KCMF1: variants seen among roughly 807,000 people sequenced by gnomAD.
KCMF1 encodes potassium channel modulatory factor 1, also known as E3 ubiquitin-protein ligase KCMF1.
KCMF1 carries 3 observed loss-of-function variants against 41.1 expected under a neutral mutation model. The observed-to-expected ratio is 0.07, with a 90% CI of 0.03 to 0.19. The LOEUF (loss-of-function observed/expected upper bound fraction) is 0.19, where lower values mean the gene tolerates loss of function less well. KCMF1 is among the 10% of genes least tolerant of loss of function. KCMF1 has a pLI of 1.00. For synonymous variants in KCMF1, 142 were observed against 164.5 expected, an observed-to-expected ratio of 0.86 and a Z score of 1.04; for missense variants, 286 against 488.9, an observed-to-expected ratio of 0.58 and a Z score of 3.91.
chr2:85,042,248 A>G (rs765563721), intron 3 of KCMF1, among the ~76,000 whole-genome samples: 42 of 152,230 alleles, frequency 2.8e-4, no homozygotes, highest in Non-Finnish European at 4.3e-4. Context: ...GATTAGGCAT[A>G]AGAGAGACTG....
intron 1 of KCMF1, among the ~76,000 whole-genome samples, chr2:85,020,416 A>G (rs914421234): frequency 1.3e-5 from 2 of 152,126 alleles, no homozygotes; most frequent in African/African-American, 4.8e-5. Context: ...ATCGTCATGC[A>G]TGGAAGCTAT....
intron 1 of KCMF1, among the ~76,000 whole-genome samples, chr2:85,025,655 C>T (rs1159272076): frequency 6.6e-6 from 1 of 152,182 alleles, no homozygotes; most frequent in Non-Finnish European, 1.5e-5. Flanking sequence ...GTCACCCAGG[C>T]TGGAGTGCAG....
intron 1 of KCMF1, among the ~76,000 whole-genome samples, chr2:84,993,788 C>A (rs1310068698): frequency 1.3e-5 from 2 of 151,742 alleles, no homozygotes; most frequent in Non-Finnish European, 2.9e-5. Flanking sequence ...GTTGGCCAGG[C>A]TGGTCTCAAA....
At chr2:85,044,244 A>G (rs1377246678) in intron 4 of KCMF1, among the ~76,000 whole-genome samples, 1 of 152,142 alleles carries the variant, frequency 6.6e-6, no homozygotes. Context: ...TGGTGGGGAC[A>G]GGTGTGCATC....
chr2:85,015,469 G>GCA lies in KCMF1; in HGVS notation c.17-12419_17-12418dup, dbSNP rs1272651708. On this transcript the variant is annotated intron_variant, in intron 1 of 6. Coordinates refer to ENST00000409785, the MANE Select transcript of KCMF1 (RefSeq NM_020122.5). ...AGGCTGTTCCTAAGCTCACTCATGAGCAAGTCCATTGTTGCTAAGATAAGT... is the reference window on the plus strand; with the variant it reads ...AGGCTGTTCCTAAGCTCACTCATGAGCACAAGTCCATTGTTGCTAAGATAAGT... Among the ~76,000 whole-genome samples the GCA allele has an allele frequency of 3.3e-5, 5 of 152,168 alleles. 1 individual carries two copies. The highest frequency in any genetic ancestry group is 1.2e-4 in the African/African-American group (5 of 41,444).
intron 1 of KCMF1, among the ~76,000 whole-genome samples, chr2:85,004,084 G>A (rs1343677543): frequency 6.6e-6 from 1 of 152,210 alleles, no homozygotes; most frequent in Non-Finnish European, 1.5e-5. Flanking sequence ...TCACCTCCGA[G>A]TGGGACAGTG....
intron 1 of KCMF1, among the ~76,000 whole-genome samples, chr2:84,976,483 G>A (rs956526733): frequency 5.9e-5 from 9 of 151,986 alleles, no homozygotes; most frequent in African/African-American, 2.2e-4. Context: ...TGGGATTACC[G>A]GTATGAGCCA....
At chr2:84,976,332 G>A (rs1004382531) in intron 1 of KCMF1, among the ~76,000 whole-genome samples, 9 of 151,172 alleles carry the variant, frequency 6.0e-5, no homozygotes, top group South Asian at 2.1e-4. Context: ...TCAGCCTCCC[G>A]AGTAGCTCGG....
At chr2:85,024,380 G>A (rs1675031328) in intron 1 of KCMF1, among the ~76,000 whole-genome samples, 1 of 152,176 alleles carries the variant, frequency 6.6e-6, no homozygotes, top group South Asian at 2.1e-4. Flanking sequence ...GGCTGAGGCA[G>A]GAGAATTGCT....
Position 85,001,128 on chromosome 2 carries a change from A to T in KCMF1, c.17-26761A>T, listed in dbSNP as rs998359814. On this transcript the variant is annotated intron_variant, in intron 1 of 6. Coordinates refer to ENST00000409785, the MANE Select transcript of KCMF1 (RefSeq NM_020122.5). ...GGTGTGAGCCACTACTCCCAGCCTT[A>T]TATAATTTTATTTTAATTAATTAAT... Among the ~76,000 whole-genome samples, 8 of 148,934 alleles carry T rather than the reference A, an allele frequency of 5.4e-5. No homozygotes were observed. The East Asian group carries it at 1.6e-3, about 30-fold the overall frequency.
intron 1 of KCMF1, among the ~76,000 whole-genome samples, chr2:84,993,760 G>C (rs1296885512): frequency 6.6e-6 from 1 of 151,392 alleles, no homozygotes; most frequent in East Asian, 1.9e-4. Flanking sequence ...ATTTTTAGTA[G>C]AGACAGGGTT....
At chr2:84,992,673 C>A (rs902471627) in intron 1 of KCMF1, among the ~76,000 whole-genome samples, 1 of 151,846 alleles carries the variant, frequency 6.6e-6, no homozygotes, top group East Asian at 1.9e-4. Context: ...AGCTCTGTCG[C>A]CCAGGCTGGA....
intron 1 of KCMF1, among the ~76,000 whole-genome samples, chr2:84,986,332 A>G (rs2103971867): frequency 1.3e-5 from 2 of 152,304 alleles, no homozygotes; most frequent in East Asian, 3.9e-4. Context: ...GGCAAGTGGA[A>G]TGAGGTGTTA....
rs1553381469 is a variant in KCMF1 at position 85,026,492 on chromosome 2, A to ATTT, written c.17-1395_17-1394insTTT. On this transcript the variant is annotated intron_variant, in intron 1 of 6. Coordinates refer to ENST00000409785, the MANE Select transcript of KCMF1 (RefSeq NM_020122.5). The stretch of plus-strand genomic sequence containing the variant: ...TATTATTATTATTATTATTATTATT[A>ATTT]TTATTTTTATTTTTTCCAGACAGGG... Among the ~76,000 whole-genome samples the ATTT allele has an allele frequency of 5.9e-4, 84 of 143,142 alleles. 1 individual carries two copies. The highest frequency in any genetic ancestry group is 1.8e-3 in the African/African-American group (68 of 37,536). The allele number at this position is 143,142 out of a possible 152,430, so 93.9% of individuals were successfully genotyped here. A position where few individuals can be genotyped will look rare whatever the true frequency, so the allele number is the denominator to read the frequency against.
chr2:85,040,516 T>C (rs1055888384), intron 3 of KCMF1, among the ~76,000 whole-genome samples: 4 of 152,200 alleles, frequency 2.6e-5, no homozygotes, highest in African/African-American at 9.7e-5. Context: ...TTTTTCTTTC[T>C]TCGTCTTGTT....
At chr2:85,019,057 T>A (rs899362291) in intron 1 of KCMF1, among the ~76,000 whole-genome samples, 1 of 152,058 alleles carries the variant, frequency 6.6e-6, no homozygotes, top group Non-Finnish European at 1.5e-5. Context: ...TTTTTTAATA[T>A]CTTAAATAGA....
chr2:85,034,877 C>A, intron 2 of KCMF1, 139 bp from the exon 3 acceptor site: 1 of 647,314 alleles, frequency 1.5e-6, no homozygotes, highest in Non-Finnish European at 2.5e-6. Context: ...CCACCTTGTC[C>A]TCCCAACGTG....
intron 1 of KCMF1, among the ~76,000 whole-genome samples, chr2:84,999,993 C>T (rs993390812): frequency 2.7e-5 from 4 of 150,610 alleles, no homozygotes; most frequent in African/African-American, 9.8e-5. Context: ...GAAAAAGAAA[C>T]AGGAATAGAT....
intron 1 of KCMF1, among the ~76,000 whole-genome samples, chr2:85,014,720 CGTGCGTGT>C (rs938193504): frequency 7.8e-5 from 11 of 141,760 alleles, no homozygotes; most frequent in Admixed American, 2.1e-4. Flanking sequence ...TGCGTGCGTG[CGTGCGTGT>C]GTGTGTGTGT....
Sources: allele counts gnomAD v4.1 joint callset (sites outside exome capture counted in the v4.1 genomes callset), GRCh38; gene constraint gnomAD v4.1.1; transcripts MANE v1.5; gene names NCBI Gene and HGNC (gene_info 2026-07-23, HGNC 2026-07-21).